The following RAB3C variants were observed in gnomAD, a reference collection of about 807,000 sequenced individuals.
RAB3C encodes the protein RAB3C, member RAS oncogene family.
RAB3C carries 17 observed loss-of-function variants against 26.4 expected under a neutral mutation model. That is an observed-to-expected ratio of 0.64 (90% CI 0.44 to 0.97). The LOEUF is 0.97. RAB3C is among the 50% of genes least tolerant of loss of function. The pLI is 0.00. For missense variants in RAB3C, 242 were observed against 281.9 expected (o/e 0.86, Z 1.01); for synonymous variants, 91 against 95.9 (o/e 0.95, Z 0.30).
chr5:58,595,098 A>G (rs562492609), intron 1 of RAB3C, among the ~76,000 whole-genome samples: 1 of 152,242 alleles, frequency 6.6e-6, no homozygotes, highest in African/African-American at 2.4e-5. Context: ...GTTTATTTTT[A>G]AAAATGACTG....
intron 3 of RAB3C, among the ~76,000 whole-genome samples, chr5:58,804,057 C>T (rs1412102392): frequency 3.8e-5 from 2 of 53,038 alleles, no homozygotes; most frequent in African/African-American, 1.2e-4. Context: ...GAGACTCTAT[C>T]TTAAAAAAAA....
chr5:58,856,702 G>C lies in RAB3C; in HGVS notation c.*5351G>C, dbSNP rs1691759280. 1 of 152,190 alleles carries C rather than the reference G, an allele frequency of 6.6e-6. No homozygotes were observed. Among genetic ancestry groups the C allele is most frequent in the Non-Finnish European group, 1.5e-5 (1 of 68,034 alleles). 9.4% of individuals were successfully genotyped at this position (152,190 alleles called of 1,614,324 possible). A position where few individuals can be genotyped will look rare whatever the true frequency, so the allele number is the denominator to read the frequency against. ...GTTATTTGGGGCTAGGTATTGCTTA[G>C]GTTCGTGAATGCTGTTCTTACAGAC... is the stretch of plus-strand genomic sequence containing the variant. On this transcript the variant is annotated 3_prime_UTR_variant, in exon 5 of 5. Transcript: ENST00000282878.
chr5:58,839,890 TATA>T (rs1016717445), intron 4 of RAB3C, among the ~76,000 whole-genome samples: 40 of 151,802 alleles, frequency 2.6e-4, no homozygotes, highest in African/African-American at 9.4e-4. Flanking sequence ...CTTTGCTGGG[TATA>T]ATATTTGTGG....
intron 1 of RAB3C, among the ~76,000 whole-genome samples, chr5:58,608,016 T>C (rs1746609444): frequency 6.6e-6 from 1 of 152,164 alleles, no homozygotes; most frequent in Non-Finnish European, 1.5e-5. Context: ...ATGAAGAAAC[T>C]GCATCAATTA....
chr5:58,690,326 G>A (rs1461497302), intron 2 of RAB3C, among the ~76,000 whole-genome samples: 1 of 152,056 alleles, frequency 6.6e-6, no homozygotes, highest in Non-Finnish European at 1.5e-5. Context: ...CCAAAACTAA[G>A]TTTTAGGCTT....
intron 1 of RAB3C, among the ~76,000 whole-genome samples, chr5:58,599,658 T>A (rs887127918): frequency 1.3e-5 from 2 of 152,166 alleles, no homozygotes; most frequent in Non-Finnish European, 2.9e-5. Context: ...GGAACAGTTT[T>A]CACATGGTTT....
chr5:58,642,768 T>C (rs1369147723), intron 2 of RAB3C, among the ~76,000 whole-genome samples: 7 of 152,268 alleles, frequency 4.6e-5, no homozygotes, highest in Admixed American at 4.6e-4. Context: ...AACTCACTCT[T>C]CTGTTTGAAA....
intron 2 of RAB3C, among the ~76,000 whole-genome samples, chr5:58,627,441 C>T (rs1394277286): frequency 5.1e-5 from 4 of 77,954 alleles, no homozygotes; most frequent in Admixed American, 1.7e-4. Flanking sequence ...GTCCGCAGTC[C>T]GGCCTGGGCG....
chr5:58,623,197 T>C (rs1746972041), intron 2 of RAB3C, among the ~76,000 whole-genome samples: 1 of 152,196 alleles, frequency 6.6e-6, no homozygotes, highest in Non-Finnish European at 1.5e-5. Flanking sequence ...TGCACATTTC[T>C]GGAATGCTGT....
intron 3 of RAB3C, among the ~76,000 whole-genome samples, chr5:58,815,207 G>C (rs527370544): frequency 1.3e-5 from 2 of 152,264 alleles, no homozygotes; most frequent in African/African-American, 4.8e-5. Flanking sequence ...TTTCCCTCCT[G>C]TGCAAGCAGA....
chr5:58,587,382 A>G (rs766705016), intron 1 of RAB3C, among the ~76,000 whole-genome samples: 11 of 152,144 alleles, frequency 7.2e-5, no homozygotes, highest in Non-Finnish European at 1.2e-4. Context: ...ATGTTCTTTT[A>G]TATAGATTAA....
intron 2 of RAB3C, among the ~76,000 whole-genome samples, chr5:58,664,983 T>C (rs1171412771): frequency 2.0e-5 from 3 of 152,112 alleles, no homozygotes; most frequent in Admixed American, 2.0e-4. Context: ...CTCTGAAATA[T>C]GTTTCTCCCA....
At chr5:58,827,044 T>C (rs183402892) in intron 4 of RAB3C, among the ~76,000 whole-genome samples, 1 of 152,372 alleles carries the variant, frequency 6.6e-6, no homozygotes, top group Admixed American at 6.5e-5. Flanking sequence ...CTGGCTGGTG[T>C]ACGGTCTCCT....
intron 1 of RAB3C, among the ~76,000 whole-genome samples, chr5:58,591,536 A>T (rs1746126664): frequency 6.6e-6 from 1 of 151,002 alleles, no homozygotes; most frequent in South Asian, 2.1e-4. Context: ...ATATTGTCTG[A>T]TATTAATAGA....
chr5:58,748,188 G>C (rs760577312), intron 3 of RAB3C, among the ~76,000 whole-genome samples: 5 of 152,162 alleles, frequency 3.3e-5, no homozygotes, highest in South Asian at 2.1e-4. Context: ...AATTTCAAGG[G>C]GGGGGAAATG....
At chr5:58,808,351 A>G (rs895574099) in intron 3 of RAB3C, among the ~76,000 whole-genome samples, 1 of 152,228 alleles carries the variant, frequency 6.6e-6, no homozygotes, top group African/African-American at 2.4e-5. Context: ...AGTTGCAGAA[A>G]GAATAAATAT....
rs570156615 is a variant in RAB3C at position 58,702,525 on chromosome 5, T to C, written c.253-23477T>C. Among the ~76,000 whole-genome samples, 149 of 152,264 alleles carry C rather than the reference T, an allele frequency of 9.8e-4. 1 individual carries two copies. Among genetic ancestry groups the C allele is most frequent in the African/African-American group, 3.5e-3 (145 of 41,550 alleles). ...ACCTACGTCTTGCCAGCCTCCCGTA[T>C]TGTCTCTGTTATAGCACTTGCCAGG... On this transcript the variant is annotated intron_variant, in intron 2 of 4. Transcript: ENST00000282878.
chr5:58,732,283 CA>C (rs1049072301), intron 3 of RAB3C, among the ~76,000 whole-genome samples: 3 of 151,434 alleles, frequency 2.0e-5, no homozygotes, highest in East Asian at 1.9e-4. Flanking sequence ...TAACCAAGGC[CA>C]AAAAAATTTT....
Position 58,708,234 on chromosome 5 carries a change from C to T in RAB3C, c.253-17768C>T, listed in dbSNP as rs576234293. ...CAAACTCCTGGGCTCAAGTGATCCT[C>T]TAGCCTCGGGCTCCCAAAGTGCTAG... On this transcript the variant is annotated intron_variant, in intron 2 of 4. Transcript: ENST00000282878. 9.2e-5 allele frequency among the ~76,000 whole-genome samples: 14 copies of T among 152,294 alleles called. No homozygotes were observed. In the South Asian group the frequency reaches 2.7e-3, roughly 29 times the overall value.
Sources: allele counts gnomAD v4.1 joint callset (sites outside exome capture counted in the v4.1 genomes callset), GRCh38; gene constraint gnomAD v4.1.1; transcripts MANE v1.5; gene names NCBI Gene and HGNC (gene_info 2026-07-23, HGNC 2026-07-21).